SIGLEC9: variants seen among roughly 807,000 people sequenced by gnomAD.
The protein encoded by SIGLEC9 is sialic acid binding Ig like lectin 9, also known as sialic acid-binding Ig-like lectin 9.
In SIGLEC9, 26 loss-of-function variants were observed where a neutral mutation model predicts 38.3. The ratio of observed to expected loss-of-function variants is 0.68; its 90% CI spans 0.50 to 0.94. The LOEUF is 0.94. SIGLEC9 is among the 40% of genes least tolerant of loss of function. The probability of loss-of-function intolerance (pLI) is 0.00; values close to 1 mark genes in which losing one functional copy is unlikely to be tolerated. For synonymous variants in SIGLEC9, 236 were observed against 248.0 expected (o/e 0.95, Z 0.45); for missense variants, 556 against 585.7 (o/e 0.95, Z 0.52).
exon 7 of SIGLEC9, chr19:51,135,989 A>G (rs1339996992): frequency 4.3e-6 from 3 of 703,144 alleles, no homozygotes; most frequent in South Asian, 1.5e-5. Context: ...TGGATTTCCT[A>G]CATTCCTTGG....
upstream of SIGLEC9, among the ~76,000 whole-genome samples, chr19:51,121,930 C>A (rs2091951021): frequency 6.6e-6 from 1 of 151,934 alleles, no homozygotes; most frequent in Non-Finnish European, 1.5e-5. Flanking sequence ...TCCCCAGCCT[C>A]CCATCTTCCC....
upstream of SIGLEC9, among the ~76,000 whole-genome samples, chr19:51,121,124 C>T (rs1381179021): frequency 2.0e-5 from 3 of 151,900 alleles, no homozygotes; most frequent in Non-Finnish European, 4.4e-5. Context: ...GGATTACAGG[C>T]GTGCACCACT....
intron 4 of SIGLEC9, 28 bp downstream of exon 4, chr19:51,127,324 GC>G (rs2091985750): frequency 6.3e-7 from 1 of 1,581,346 alleles, no homozygotes; most frequent in Admixed American, 1.8e-5. Context: ...CTGGGGAGGG[GC>G]TGGAGAGGAG....
At position 51,126,076 on chromosome 19, in the gene SIGLEC9, C is replaced by T. The variant is rs1393234057; in HGVS notation, c.701-5C>T. 2 of 1,613,916 alleles carry T rather than the reference C, an allele frequency of 1.2e-6. No homozygotes were observed. The highest frequency in any genetic ancestry group is 8.5e-7 in the Non-Finnish European group (1 of 1,179,838). On this transcript the variant is annotated splice_polypyrimidine_tract_variant and splice_region_variant and intron_variant, in intron 2 of 6. Transcript: ENST00000250360. The stretch of plus-strand genomic sequence containing the variant: ...GATGCGGGTCTCCATGTCTTTCTGT[C>T]CCAGACCCGCCTCAGAACTTGACCA...
chr19:51,132,230 T>C (rs562769672), downstream of SIGLEC9, among the ~76,000 whole-genome samples: 1 of 152,272 alleles, frequency 6.6e-6, no homozygotes, highest in East Asian at 1.9e-4. Flanking sequence ...CCTTCCACCA[T>C]GAGTGGAAGC....
intron 6 of SIGLEC9, chr19:51,128,790 G>T (rs1024104553): frequency 5.1e-6 from 2 of 392,910 alleles, no homozygotes; most frequent in East Asian, 5.8e-5. Context: ...TGCCTGGGGG[G>T]ACTGTCCAGA....
At chr19:51,129,146 G>GTTTTTTTTTTTGTTGTTGTTGTTGTTTT (rs2091998434) in intron 6 of SIGLEC9, among the ~76,000 whole-genome samples, 1 of 136,198 alleles carries the variant, frequency 7.3e-6, no homozygotes, top group African/African-American at 3.0e-5. Flanking sequence ...GACTTTTTTT[G>GTTTTTTTTTTTGTTGTTGTTGTTGTTTT]TTTTTTTTTT....
At chr19:51,130,410 C>T, downstream of SIGLEC9, 1 of 203,694 alleles carries the variant, frequency 4.9e-6, no homozygotes, top group Non-Finnish European at 1.0e-5. Flanking sequence ...CGTTAGAGCT[C>T]CTGGCACAGG....
upstream of SIGLEC9, chr19:51,122,782 AC>A (rs1449229525): frequency 1.3e-5 from 2 of 152,314 alleles, no homozygotes; most frequent in East Asian, 3.9e-4. The surrounding 1 kb of genome is among the most constrained non-coding windows in gnomAD (Gnocchi z 4.1). Flanking sequence ...GGCTGACAGC[AC>A]CCCACCTCCC....
At chr19:51,121,806 C>T (rs777809780), upstream of SIGLEC9, among the ~76,000 whole-genome samples, 1 of 151,914 alleles carries the variant, frequency 6.6e-6, no homozygotes, top group Non-Finnish European at 1.5e-5. Flanking sequence ...AGGGTGGTCT[C>T]GAACTCCTTG....
At chr19:51,128,091 G>C (rs773882428) in intron 5 of SIGLEC9, 52 bp downstream of exon 5, 24 of 1,421,348 alleles carry the variant, frequency 1.7e-5, no homozygotes, top group Non-Finnish European at 4.9e-6. Context: ...GGGAGGACAG[G>C]CTGGAAGCTG....
At chr19:51,134,147 C>CTTTTTTTTTTTTTTTTTTTTT (rs71185802), downstream of SIGLEC9, among the ~76,000 whole-genome samples, 1 of 66,506 alleles carries the variant, frequency 1.5e-5, no homozygotes, top group African/African-American at 5.7e-5. Flanking sequence ...TCTTTCTTTT[C>CTTTTTTTTTTTTTTTTTTTTT]TTTTTTTTTT....
intron 1 of SIGLEC9, 30 bp from the exon 2 acceptor site, chr19:51,125,567 C>T (rs1380294670): frequency 1.9e-6 from 3 of 1,606,316 alleles, no homozygotes; most frequent in Non-Finnish European, 8.5e-7. Context: ...GATCCTCTGA[C>T]CTGATCCTGA....
chr19:51,121,916 C>A (rs1274349417), upstream of SIGLEC9, among the ~76,000 whole-genome samples: 1 of 151,896 alleles, frequency 6.6e-6, no homozygotes, highest in Non-Finnish European at 1.5e-5. Flanking sequence ...TTGTTCCATG[C>A]CCCTCCCCAG....
chr19:51,123,451 A>T (rs1044636714), upstream of SIGLEC9, among the ~76,000 whole-genome samples: 1 of 152,192 alleles, frequency 6.6e-6, no homozygotes, highest in African/African-American at 2.4e-5. Context: ...ATGCAGGACA[A>T]CACTGTCAGC....
In SIGLEC9 at chr19:51,130,069, T is replaced by C. The variant is rs375749002; in HGVS notation, c.1382T>C (p.Ile461Thr). The C allele has an allele frequency of 6.2e-7, 1 of 1,610,438 alleles. No individual in the cohort carries two copies. The highest frequency in any genetic ancestry group is 1.3e-5 in the African/African-American group (1 of 74,784). Residue 461 changes from isoleucine (I) to threonine (T), a missense_variant, in exon 7 of 7, where the codon ATC (isoleucine) becomes ACC (threonine). Physicochemically the swap from Ile to Thr is moderately conservative, Grantham distance 89. Coordinates refer to ENST00000250360, the MANE Select transcript of SIGLEC9 (RefSeq NM_014441.3). The stretch of plus-strand genomic sequence containing the variant: ...GACACCGAGTACTCGGAGATCAAGA[T>C]CCACAGATGAGAAACTGCAGAGACT... ...ATDTEYSEIK[I>T]HR
chr19:51,135,591 C>G (rs2092037580), intron 6 of SIGLEC9, among the ~76,000 whole-genome samples: 1 of 152,040 alleles, frequency 6.6e-6, no homozygotes, highest in African/African-American at 2.4e-5. Context: ...TCCTGGGGTT[C>G]TCTGAATTTC....
At chr19:51,121,625 C>G (rs148358590), upstream of SIGLEC9, among the ~76,000 whole-genome samples, 34 of 133,120 alleles carry the variant, frequency 2.6e-4, 1 homozygote, top group South Asian at 4.7e-3. Context: ...TCGCTCTTGT[C>G]GTCCAGGCTG....
intron 5 of SIGLEC9, 95 bp downstream of exon 5, chr19:51,128,134 T>C (rs1480737682): frequency 1.2e-5 from 12 of 1,042,050 alleles, no homozygotes; most frequent in Non-Finnish European, 1.8e-5. Flanking sequence ...GGGACCTGGA[T>C]GGGTCAAGAG....
Sources: allele counts gnomAD v4.1 joint callset (sites outside exome capture counted in the v4.1 genomes callset), GRCh38; gene constraint gnomAD v4.1.1; non-coding constraint Gnocchi (gnomAD v3.1); transcripts MANE v1.5; gene names NCBI Gene and HGNC (gene_info 2026-07-23, HGNC 2026-07-21).